Variants in NBEA observed in about 807,000 individuals in gnomAD.
NBEA encodes lysosomal-trafficking regulator 2.
NBEA carries 44 observed loss-of-function variants against 343.4 expected under a neutral mutation model. The ratio of observed to expected loss-of-function variants is 0.13; its 90% CI spans 0.10 to 0.16. The LOEUF is 0.16. NBEA is among the 10% of genes least tolerant of loss of function. The pLI is 1.00. For missense variants in NBEA, 2,555 were observed against 3,631.3 expected (o/e 0.70, Z 7.62); for synonymous variants, 1,175 against 1,238.7 (o/e 0.95, Z 1.08).
chr13:35,120,194 G>A (rs1158570215), intron 16 of NBEA, among the ~76,000 whole-genome samples: 1 of 152,080 alleles, frequency 6.6e-6, no homozygotes, highest in Non-Finnish European at 1.5e-5. Flanking sequence ...TGACACATCG[G>A]AAATATGATC....
At chr13:35,610,211 G>C (rs930716058) in intron 48 of NBEA, among the ~76,000 whole-genome samples, 16 of 152,074 alleles carry the variant, frequency 1.1e-4, no homozygotes, top group African/African-American at 3.9e-4. Context: ...AGATAAATTG[G>C]TGAAACCTTG....
intron 32 of NBEA, among the ~76,000 whole-genome samples, chr13:35,210,643 A>G (rs372238900): frequency 6.6e-6 from 1 of 152,180 alleles, no homozygotes; most frequent in Non-Finnish European, 1.5e-5. Flanking sequence ...CTTCAGTGCC[A>G]CAAATTTACG....
intron 10 of NBEA, among the ~76,000 whole-genome samples, chr13:35,075,851 A>G (rs1010948033): frequency 6.6e-6 from 1 of 152,036 alleles, no homozygotes. Context: ...TTCAGCGTCT[A>G]ACTGCCTTAG....
At chr13:35,092,282 C>A (rs575274313) in intron 10 of NBEA, among the ~76,000 whole-genome samples, 2 of 151,770 alleles carry the variant, frequency 1.3e-5, no homozygotes, top group African/African-American at 4.8e-5. Context: ...TTATGGGAAA[C>A]GTATAAGGAA....
In NBEA at chr13:35,007,628, A is replaced by G. The variant is rs2061360842; in HGVS notation, c.295-33305A>G. ...TGCAGCGGCCTCCTGAATAGCTGGG[A>G]CTACAGGTGCATGCTACTGTGCCAC... On this transcript the variant is annotated intron_variant, in intron 1 of 58. Coordinates refer to ENST00000379939, the MANE Select transcript of NBEA (RefSeq NM_001385012.1). Among the ~76,000 whole-genome samples, 8 of 152,014 alleles carry G rather than the reference A, an allele frequency of 5.3e-5. No individual in the cohort carries two copies. The South Asian group carries it at 1.7e-3, about 32-fold the overall frequency.
chr13:35,561,940 T>G (rs967776786), intron 44 of NBEA, among the ~76,000 whole-genome samples: 2 of 152,112 alleles, frequency 1.3e-5, no homozygotes, highest in Non-Finnish European at 2.9e-5. Flanking sequence ...ATGTTCATTA[T>G]AGAAAATTGG....
chr13:35,330,295 C>T (rs564701326), intron 36 of NBEA, among the ~76,000 whole-genome samples: 2 of 152,012 alleles, frequency 1.3e-5, no homozygotes, highest in Non-Finnish European at 2.9e-5. Flanking sequence ...GTTTCTGGAA[C>T]ATAATAAAGA....
At chr13:35,347,464 A>G (rs2039948202) in intron 36 of NBEA, among the ~76,000 whole-genome samples, 1 of 152,136 alleles carries the variant, frequency 6.6e-6, no homozygotes, top group African/African-American at 2.4e-5. Context: ...AGACAAAGGA[A>G]CTGAAACCAC....
intron 34 of NBEA, among the ~76,000 whole-genome samples, chr13:35,250,118 T>C (rs1033774923): frequency 6.6e-6 from 1 of 152,126 alleles, no homozygotes; most frequent in African/African-American, 2.4e-5. Flanking sequence ...AGTTTCAGTT[T>C]TGCAAGATGA....
intron 39 of NBEA, among the ~76,000 whole-genome samples, chr13:35,447,687 T>G (rs1186426169): frequency 1.3e-5 from 2 of 152,146 alleles, no homozygotes; most frequent in Non-Finnish European, 2.9e-5. Context: ...TATATGTCTA[T>G]CCTACCCAGC....
intron 39 of NBEA, among the ~76,000 whole-genome samples, chr13:35,448,630 G>T (rs2046156798): frequency 6.6e-6 from 1 of 152,190 alleles, no homozygotes; most frequent in Non-Finnish European, 1.5e-5. Flanking sequence ...GAAGGAACTT[G>T]GAGGCTTTTG....
chr13:35,087,289 G>T (rs948969711), intron 10 of NBEA, among the ~76,000 whole-genome samples: 1 of 151,798 alleles, frequency 6.6e-6, no homozygotes, highest in Non-Finnish European at 1.5e-5. Flanking sequence ...TCTAGGAAGA[G>T]ATTTCATGTC....
chr13:34,955,259 A>T (rs2059456879), intron 1 of NBEA, among the ~76,000 whole-genome samples: 1 of 152,050 alleles, frequency 6.6e-6, no homozygotes, highest in Non-Finnish European at 1.5e-5. Context: ...AATGATAGTT[A>T]AATAAATTAC....
chr13:35,121,514 A>G (rs370663562), intron 16 of NBEA, among the ~76,000 whole-genome samples: 15 of 149,972 alleles, frequency 1.0e-4, no homozygotes, highest in South Asian at 4.2e-4. Context: ...TGACTTTGCT[A>G]TTCTCAGACT....
Position 35,353,365 on chromosome 13 carries a change from G to T in NBEA, c.6179+1042G>T, listed in dbSNP as rs542871061. Among the ~76,000 whole-genome samples, 130 of 152,144 alleles carry T rather than the reference G, an allele frequency of 8.5e-4. 1 individual carries two copies. The highest frequency in any genetic ancestry group is 3.1e-3 in the African/African-American group (127 of 41,510). On this transcript the variant is annotated intron_variant, in intron 38 of 58. Coordinates refer to ENST00000379939, the MANE Select transcript of NBEA (RefSeq NM_001385012.1). ...CACAAGAATTGCTTGAACCCAGGAG[G>T]CAGAGGTTGCAGTGAGCCGAGATTG...
At chr13:35,670,317 C>A (rs1172799697) in intron 58 of NBEA, among the ~76,000 whole-genome samples, 2 of 152,054 alleles carry the variant, frequency 1.3e-5, no homozygotes, top group Non-Finnish European at 2.9e-5. Context: ...AGCAAAAGAC[C>A]AGCAAGGTCA....
At chr13:35,559,930 C>CAAAAAAA (rs34700584) in intron 44 of NBEA, among the ~76,000 whole-genome samples, 2 of 108,974 alleles carry the variant, frequency 1.8e-5, no homozygotes, top group African/African-American at 3.8e-5. Context: ...GACTCCGTCT[C>CAAAAAAA]AAAAAAAAAA....
intron 30 of NBEA, among the ~76,000 whole-genome samples, chr13:35,191,389 T>C (rs555110403): frequency 2.0e-5 from 3 of 152,284 alleles, no homozygotes; most frequent in African/African-American, 7.2e-5. Flanking sequence ...TCTTGGCTCT[T>C]AATTTTCATT....
rs149701770 is a variant in NBEA at position 35,386,587 on chromosome 13, C to A, written c.6179+34264C>A. Among the ~76,000 whole-genome samples, 673 of 152,004 alleles carry A rather than the reference C, an allele frequency of 4.4e-3. 6 individuals are homozygous for A. Among genetic ancestry groups the A allele is most frequent in the African/African-American group, 0.016 (646 of 41,460 alleles). On this transcript the variant is annotated intron_variant, in intron 38 of 58. Coordinates refer to ENST00000379939, the MANE Select transcript of NBEA (RefSeq NM_001385012.1). Reference sequence around the variant, plus strand: ...TCTAATCCTGTAAGATAATGTTGACCTAGTTAAAAATTGAGAACAGGCAAA... The same window carrying A: ...TCTAATCCTGTAAGATAATGTTGACATAGTTAAAAATTGAGAACAGGCAAA...
Sources: allele counts gnomAD v4.1 joint callset (sites outside exome capture counted in the v4.1 genomes callset), GRCh38; gene constraint gnomAD v4.1.1; transcripts MANE v1.5; gene names NCBI Gene and HGNC (gene_info 2026-07-23, HGNC 2026-07-21).